TTC39B: variants seen among roughly 807,000 people sequenced by gnomAD.
TTC39B encodes tetratricopeptide repeat domain 39B.
In TTC39B, 92 loss-of-function variants were observed where a neutral mutation model predicts 96.6. That is an observed-to-expected ratio of 0.95 (90% confidence interval 0.80 to 1.13). The LOEUF is 1.13. Among genes scored for constraint, TTC39B ranks in the 50% most tolerant of loss-of-function variants. The pLI is 0.00. For missense variants in TTC39B, 955 were observed against 809.3 expected (o/e 1.18, Z -2.18); for synonymous variants, 367 against 299.4 (o/e 1.23, Z -2.33).
At chr9:15,299,097 T>C (rs13290521) in intron 1 of TTC39B, among the ~76,000 whole-genome samples, 24,769 of 152,010 alleles carry the variant, frequency 0.16, 3,694 homozygotes, top group African/African-American at 0.4. Context: ...AACACACATG[T>C]CCCCACTCTC....
At chr9:15,275,286 C>G (rs1674727900) in intron 1 of TTC39B, among the ~76,000 whole-genome samples, 1 of 152,192 alleles carries the variant, frequency 6.6e-6, no homozygotes, top group African/African-American at 2.4e-5. Context: ...GGTGATCTGC[C>G]CGCCTCGGCC....
chr9:15,232,916 C>T (rs1173763530), intron 2 of TTC39B, among the ~76,000 whole-genome samples: 5 of 152,164 alleles, frequency 3.3e-5, no homozygotes, highest in Non-Finnish European at 7.3e-5. Flanking sequence ...CGGGAGACGA[C>T]GGCGGCCGCT....
exon 20 of TTC39B, chr9:15,170,177 T>C (rs1445100059): frequency 2.3e-4 from 2 of 8,558 alleles, no homozygotes; most frequent in Non-Finnish European, 3.7e-4. Context: ...CATTGATATC[T>C]ACCGCCATTG....
intron 2 of TTC39B, among the ~76,000 whole-genome samples, chr9:15,235,448 C>T (rs1236450403): frequency 1.3e-5 from 2 of 152,076 alleles, no homozygotes; most frequent in South Asian, 2.1e-4. Context: ...CATACAGATA[C>T]AAGACATTCA....
chr9:15,171,869 A>G, exon 20 of TTC39B: 1 of 478,062 alleles, frequency 2.1e-6, no homozygotes, highest in Non-Finnish European at 3.6e-6. Flanking sequence ...GTAGACCAAC[A>G]GTAAATCTCT....
At chr9:15,210,145 C>A (rs1441969699) in exon 6 of TTC39B, 2 of 1,604,324 alleles carry the variant, frequency 1.2e-6, no homozygotes, top group Non-Finnish European at 1.7e-6. Flanking sequence ...GATTCTACAA[C>A]TGTGTATTTT....
exon 5 of TTC39B, chr9:15,211,320 T>A: frequency 6.3e-7 from 1 of 1,594,496 alleles, no homozygotes. Context: ...CTGGATGTCC[T>A]GTTGCTCGAA....
chr9:15,229,165 C>T (rs991581297), intron 2 of TTC39B, among the ~76,000 whole-genome samples: 1 of 152,176 alleles, frequency 6.6e-6, no homozygotes, highest in Non-Finnish European at 1.5e-5. Context: ...AGAGAAAATA[C>T]TATTGCAAAC....
intron 15 of TTC39B, among the ~76,000 whole-genome samples, chr9:15,185,793 T>C (rs1310108440): frequency 1.3e-5 from 2 of 152,218 alleles, no homozygotes; most frequent in Admixed American, 6.5e-5. Context: ...TTTACTTACG[T>C]TGTGGATACT....
intron 1 of TTC39B, among the ~76,000 whole-genome samples, chr9:15,270,216 G>A (rs16932883): frequency 0.026 from 3,969 of 152,092 alleles, 175 homozygotes; most frequent in African/African-American, 0.091. Context: ...CTGAGTTTGA[G>A]TTTGGGACCC....
chr9:15,185,144 G>T (rs928811154), intron 16 of TTC39B, 136 bp downstream of exon 16: 168 of 1,120,554 alleles, frequency 1.5e-4, no homozygotes, highest in Non-Finnish European at 2.0e-4. Context: ...TATTTATTTA[G>T]AAATGTTCAA....
rs190984167 is a variant in TTC39B at position 15,217,937 on chromosome 9, C to T, written c.372-3688G>A. Among the ~76,000 whole-genome samples the T allele has an allele frequency of 2.9e-3, 437 of 152,092 alleles. 6 individuals carry two copies. Among genetic ancestry groups the T allele is most frequent in the African/African-American group, 9.8e-3 (406 of 41,496 alleles). On this transcript the variant is annotated intron_variant, in intron 3 of 19. Coordinates refer to ENST00000512701, the Ensembl canonical transcript of TTC39B. The stretch of plus-strand genomic sequence containing the variant: ...AAAAACAGCCCAGTATAGCCAGGTG[C>T]GGTGGCTCACGCCTGTAATCCCAGC...
At chr9:15,216,715 A>C (rs1214162633) in intron 3 of TTC39B, among the ~76,000 whole-genome samples, 1 of 152,080 alleles carries the variant, frequency 6.6e-6, no homozygotes, top group African/African-American at 2.4e-5. Context: ...CCCTCATCAA[A>C]TATTTGCCTA....
At chr9:15,231,138 G>T (rs979850333) in intron 2 of TTC39B, among the ~76,000 whole-genome samples, 2 of 152,060 alleles carry the variant, frequency 1.3e-5, no homozygotes, top group Non-Finnish European at 2.9e-5. Context: ...AGAACTACTA[G>T]ACTGTTTTCC....
At chr9:15,223,034 G>C (rs1187171764) in intron 3 of TTC39B, among the ~76,000 whole-genome samples, 1 of 152,200 alleles carries the variant, frequency 6.6e-6, no homozygotes, top group East Asian at 1.9e-4. Context: ...TCAACAACTA[G>C]TTTGTAAACA....
At chr9:15,188,733 TA>T (rs1818682674) in intron 13 of TTC39B, among the ~76,000 whole-genome samples, 2 of 60,440 alleles carry the variant, frequency 3.3e-5, no homozygotes, top group East Asian at 1.7e-3. Flanking sequence ...TGGAAAAAAA[TA>T]TTTTTATATG....
At chr9:15,252,529 T>A (rs561411534) in intron 2 of TTC39B, among the ~76,000 whole-genome samples, 19 of 152,182 alleles carry the variant, frequency 1.2e-4, no homozygotes, top group African/African-American at 4.1e-4. Context: ...ATGCCTGTAA[T>A]CCCAGCTACT....
At chr9:15,218,567 G>A (rs1029242040) in intron 3 of TTC39B, among the ~76,000 whole-genome samples, 3 of 149,662 alleles carry the variant, frequency 2.0e-5, no homozygotes, top group South Asian at 4.2e-4. Flanking sequence ...GTGAGGTGAC[G>A]ACTCCTCATG....
chr9:15,204,295 G>A (rs750412455), intron 6 of TTC39B, among the ~76,000 whole-genome samples: 12 of 152,102 alleles, frequency 7.9e-5, no homozygotes, highest in Admixed American at 1.3e-4. Context: ...TTGGGAGGCC[G>A]AGGTGGGTGG....
Sources: gnomAD v4.1 joint callset for allele counts (sites outside exome capture counted in the v4.1 genomes callset) on GRCh38, gnomAD v4.1.1 for gene constraint, MANE v1.5 for transcripts, NCBI Gene and HGNC (gene_info 2026-07-23, HGNC 2026-07-21) for gene names.